Variants in EXOC2 observed in about 807,000 individuals in gnomAD.
EXOC2 encodes SEC5-like 1.
EXOC2 carries 70 observed loss-of-function variants against 131.8 expected under a neutral mutation model. The observed-to-expected ratio is 0.53, with a 90% CI of 0.44 to 0.65. The LOEUF is 0.65. Among genes scored for constraint, EXOC2 ranks in the 30% least tolerant of loss-of-function variants. The probability of loss-of-function intolerance (pLI) is 0.00; values close to 1 mark genes in which losing one functional copy is unlikely to be tolerated. For synonymous variants in EXOC2, 411 were observed against 398.4 expected (o/e 1.03, Z -0.38); for missense variants, 923 against 1,108.6 (o/e 0.83, Z 2.38).
In EXOC2 at chr6:506,043, T is replaced by C. The variant is rs562142587; in HGVS notation, c.2381-6343A>G. Among the ~76,000 whole-genome samples, 1 of 152,352 alleles carries C rather than the reference T, an allele frequency of 6.6e-6. No individual in the cohort carries two copies. Among genetic ancestry groups the C allele is most frequent in the Non-Finnish European group, 1.5e-5 (1 of 68,022 alleles). On this transcript the variant is annotated intron_variant, in intron 23 of 27. Coordinates refer to ENST00000230449, the MANE Select transcript of EXOC2 (RefSeq NM_018303.6). The surrounding 1 kb of genome is among the most constrained non-coding windows in gnomAD (Gnocchi z 4.4). The stretch of plus-strand genomic sequence containing the variant: ...TGCCTCGGCATACATGGAAAGAAGG[T>C]ATTCCTTGGGAAAGCATACAATCTC...
chr6:596,646 T>G (rs1456087201), intron 10 of EXOC2, among the ~76,000 whole-genome samples: 1 of 152,092 alleles, frequency 6.6e-6, no homozygotes, highest in Non-Finnish European at 1.5e-5. Context: ...GGATCACAGG[T>G]CTGGGCCACT....
intron 20 of EXOC2, 140 bp downstream of exon 20, chr6:555,087 T>A: frequency 2.3e-6 from 1 of 433,672 alleles, no homozygotes; most frequent in Non-Finnish European, 4.0e-6. Context: ...AGGTCGAATA[T>A]AAAAAAAAAC....
At chr6:656,913 C>T in intron 1 of EXOC2, 1 of 1,540,272 alleles carries the variant, frequency 6.5e-7, no homozygotes, top group South Asian at 1.2e-5. Context: ...CTCTAGACAG[C>T]CTTTGCCGGT....
intron 23 of EXOC2, chr6:524,254 A>G (rs1025228416): frequency 2.0e-5 from 3 of 152,234 alleles, no homozygotes; most frequent in African/African-American, 7.2e-5. Context: ...AGAGGTCAGC[A>G]TGGCTCCTGC....
intron 6 of EXOC2, among the ~76,000 whole-genome samples, chr6:613,410 T>G (rs1349173618): frequency 1.3e-5 from 2 of 151,836 alleles, no homozygotes; most frequent in African/African-American, 4.8e-5. Flanking sequence ...AATAGTCCAC[T>G]GGATGGAACT....
intron 9 of EXOC2, 86 bp downstream of exon 9, chr6:598,774 C>A: frequency 1.9e-6 from 2 of 1,064,844 alleles, no homozygotes; most frequent in Non-Finnish European, 1.4e-6. Context: ...AAACTAAAAA[C>A]TCATATAACA....
chr6:518,130 C>T (rs1363412096), intron 23 of EXOC2, among the ~76,000 whole-genome samples: 1 of 152,154 alleles, frequency 6.6e-6, no homozygotes, highest in Non-Finnish European at 1.5e-5. Flanking sequence ...TTACTGTTAA[C>T]TTTCTCCAGA....
chr6:597,761 G>A (rs532523357), intron 10 of EXOC2, among the ~76,000 whole-genome samples: 3 of 152,288 alleles, frequency 2.0e-5, no homozygotes, highest in East Asian at 1.9e-4. Flanking sequence ...AGGAGGAAGA[G>A]GTTGAGACTA....
At chr6:487,056 T>C (rs1039021080) in intron 27 of EXOC2, among the ~76,000 whole-genome samples, 2 of 152,238 alleles carry the variant, frequency 1.3e-5, no homozygotes, top group African/African-American at 4.8e-5. Context: ...TATTCTTTTT[T>C]AGAAATTCAA....
intron 26 of EXOC2, among the ~76,000 whole-genome samples, chr6:489,796 T>C (rs373016821): frequency 6.6e-6 from 1 of 152,226 alleles, no homozygotes. Context: ...TGCTTTTATA[T>C]TGTAAAAACA....
chr6:530,384 ACT>A lies in EXOC2; in HGVS notation c.2380+2083_2380+2084del, dbSNP rs527491597. ...TGTCACAGACTGCACTATGCTAAAA[ACT>A]CTGAGAACAAGACACCCAAATGACG... On this transcript the variant is annotated intron_variant, in intron 23 of 27. Transcript: ENST00000230449. 1.4e-3 allele frequency among the ~76,000 whole-genome samples: 218 copies of A among 152,316 alleles called. 1 individual carries two copies. Among genetic ancestry groups the A allele is most frequent in the African/African-American group, 4.9e-3 (205 of 41,570 alleles).
intron 23 of EXOC2, among the ~76,000 whole-genome samples, chr6:511,706 G>C (rs1310664057): frequency 1.3e-5 from 2 of 152,248 alleles, no homozygotes; most frequent in Admixed American, 6.5e-5. Flanking sequence ...TGCACTCCAA[G>C]GATGTCACCA....
At chr6:554,169 G>T (rs920671814) in intron 20 of EXOC2, among the ~76,000 whole-genome samples, 14 of 152,004 alleles carry the variant, frequency 9.2e-5, no homozygotes, top group African/African-American at 3.4e-4. Flanking sequence ...AGCCTCCTGA[G>T]TAGCTGGGAT....
intron 1 of EXOC2, among the ~76,000 whole-genome samples, chr6:643,746 A>G (rs1352094983): frequency 1.3e-5 from 2 of 152,096 alleles, no homozygotes; most frequent in Non-Finnish European, 2.9e-5. Context: ...AGAATTTGAA[A>G]AAAATTAAAG....
chr6:565,441 G>C (rs1310840393), intron 13 of EXOC2, among the ~76,000 whole-genome samples: 2 of 152,150 alleles, frequency 1.3e-5, no homozygotes, highest in Non-Finnish European at 2.9e-5. Context: ...TTTGTTTACT[G>C]ATATAACTCA....
chr6:682,555 C>A (rs947556213), intron 1 of EXOC2, among the ~76,000 whole-genome samples: 5 of 152,102 alleles, frequency 3.3e-5, no homozygotes, highest in African/African-American at 1.2e-4. Flanking sequence ...CTATAACCAT[C>A]ATTTATCAGT....
At chr6:658,058 G>A (rs767236745) in intron 1 of EXOC2, among the ~76,000 whole-genome samples, 41 of 152,112 alleles carry the variant, frequency 2.7e-4, no homozygotes, top group Non-Finnish European at 1.5e-4. Context: ...GTACTTTAAT[G>A]TTATCTGTTT....
chr6:567,572 TTA>T (rs1758036796), intron 13 of EXOC2, among the ~76,000 whole-genome samples: 1 of 152,220 alleles, frequency 6.6e-6, no homozygotes, highest in African/African-American at 2.4e-5. Flanking sequence ...ATGTGTAAAT[TTA>T]TGTGTATGTC....
At position 678,061 on chromosome 6, in the gene EXOC2, G is replaced by A. The variant is rs1384017268; in HGVS notation, c.-44+14958C>T. Among the ~76,000 whole-genome samples, 4 of 152,138 alleles carry A rather than the reference G, an allele frequency of 2.6e-5. No individual in the cohort carries two copies. The East Asian group carries it at 7.7e-4, about 29-fold the overall frequency. On this transcript the variant is annotated intron_variant, in intron 1 of 27. Coordinates refer to ENST00000230449, the MANE Select transcript of EXOC2 (RefSeq NM_018303.6). ...CTGACCAGTTCTTCAGTGTGACCGTGAGCACGCAATGAGAGATGCTAACTG... is the reference window on the plus strand; with the variant it reads ...CTGACCAGTTCTTCAGTGTGACCGTAAGCACGCAATGAGAGATGCTAACTG...
Sources: gnomAD v4.1 joint callset for allele counts (sites outside exome capture counted in the v4.1 genomes callset) on GRCh38, gnomAD v4.1.1 for gene constraint, Gnocchi (gnomAD v3.1) non-coding constraint, MANE v1.5 for transcripts, NCBI Gene and HGNC (gene_info 2026-07-23, HGNC 2026-07-21) for gene names.